SHPRH: variants seen among roughly 807,000 people sequenced by gnomAD.
SHPRH encodes E3 ubiquitin-protein ligase SHPRH.
In SHPRH, 106 loss-of-function variants were observed where a neutral mutation model predicts 202.5. The observed-to-expected ratio is 0.52, with a 90% CI of 0.45 to 0.62. The LOEUF (loss-of-function observed/expected upper bound fraction) is 0.62. SHPRH is among the 20% of genes least tolerant of loss of function. SHPRH has a pLI of 0.00. For missense variants in SHPRH, 1,710 were observed against 2,020.0 expected, an observed-to-expected ratio of 0.85 and a Z score of 2.94; for synonymous variants, 729 against 686.0, an observed-to-expected ratio of 1.06 and a Z score of -0.98.
At chr6:145,901,102 AT>A (rs1444665688) in intron 25 of SHPRH, among the ~76,000 whole-genome samples, 12 of 152,276 alleles carry the variant, frequency 7.9e-5, no homozygotes, top group Admixed American at 7.2e-4. Context: ...TATATACAAT[AT>A]TTCATTTGAC....
At chr6:145,919,161 T>C (rs1402031013) in intron 22 of SHPRH, 187 bp downstream of exon 22, 1 of 675,526 alleles carries the variant, frequency 1.5e-6, no homozygotes, top group Non-Finnish European at 2.4e-6. Context: ...ATGTAATAGA[T>C]ATGAAATTGC....
intron 24 of SHPRH, 55 bp downstream of exon 24, chr6:145,913,423 C>T: frequency 6.7e-7 from 1 of 1,491,276 alleles, no homozygotes; most frequent in Non-Finnish European, 9.2e-7. Context: ...ATGTAGAAAC[C>T]TTTGAAAACT....
Position 145,893,446 on chromosome 6 carries a change from AGTAT to A in SHPRH, c.4696-57_4696-54del, listed in dbSNP as rs200830360. 1.7e-3 allele frequency: 2,459 copies of A among 1,456,030 alleles called. 32 individuals carry two copies. The African/African-American group carries it at 0.03, about 18-fold the overall frequency. 90.2% of individuals were successfully genotyped at this position (1,456,030 alleles called of 1,614,324 possible). On this transcript the variant is annotated intron_variant, in intron 27 of 29. Transcript: ENST00000275233. Reference sequence around the variant, plus strand: ...TAGCTCGATCAGTTAAAATAAGAGCAGTATGTAATAGCTCACTTTAAAGATGTCT... The same window carrying A: ...TAGCTCGATCAGTTAAAATAAGAGCAGTAATAGCTCACTTTAAAGATGTCT...
chr6:145,927,579 T>C (rs540359696), intron 14 of SHPRH, among the ~76,000 whole-genome samples: 1 of 151,936 alleles, frequency 6.6e-6, no homozygotes, highest in South Asian at 2.1e-4. Flanking sequence ...TGCTATTGGA[T>C]AAACTTTTAA....
intron 2 of SHPRH, among the ~76,000 whole-genome samples, chr6:145,866,919 G>C (rs1779804564): frequency 1.3e-5 from 2 of 148,168 alleles, no homozygotes; most frequent in Admixed American, 1.3e-4. Context: ...TAGACAGAGA[G>C]GGGACAGGGG....
chr6:145,928,408 G>A (rs971721816), intron 14 of SHPRH, among the ~76,000 whole-genome samples: 1 of 140,460 alleles, frequency 7.1e-6, no homozygotes, highest in African/African-American at 3.2e-5. Context: ...GGTACAAGAT[G>A]TTCTAGCTTT....
chr6:145,900,824 G>A (rs1782441623), intron 25 of SHPRH, among the ~76,000 whole-genome samples: 2 of 152,062 alleles, frequency 1.3e-5, no homozygotes, highest in Non-Finnish European at 2.9e-5. Flanking sequence ...AAAAATTTGT[G>A]TTTTTTAAAT....
intron 2 of SHPRH, among the ~76,000 whole-genome samples, chr6:145,866,899 T>G (rs1779803591): frequency 6.6e-6 from 1 of 151,334 alleles, no homozygotes; most frequent in Middle Eastern, 3.4e-3. Flanking sequence ...TGCTGATTGA[T>G]GGGGGAAGGT....
chr6:145,863,079 T>C (rs1175107185), downstream of SHPRH, among the ~76,000 whole-genome samples: 1 of 152,234 alleles, frequency 6.6e-6, no homozygotes, highest in East Asian at 1.9e-4. Context: ...CAATTATGTA[T>C]GAGACCCTGT....
chr6:145,897,472 A>C (rs1157460673), intron 25 of SHPRH, among the ~76,000 whole-genome samples: 1 of 152,150 alleles, frequency 6.6e-6, no homozygotes, highest in Non-Finnish European at 1.5e-5. Flanking sequence ...AAGAAGAACT[A>C]ATACCAATCT....
intron 6 of SHPRH, among the ~76,000 whole-genome samples, chr6:145,946,572 G>C (rs1787397331): frequency 6.6e-6 from 1 of 151,788 alleles, no homozygotes; most frequent in Non-Finnish European, 1.5e-5. Context: ...GTTATGTGTG[G>C]AACCTCTGAA....
chr6:145,910,675 A>G, intron 24 of SHPRH, 39 bp from the exon 25 acceptor site: 1 of 1,475,554 alleles, frequency 6.8e-7, no homozygotes, highest in Non-Finnish European at 9.1e-7. Context: ...GCTATCAAAG[A>G]TGCCTTACAA....
chr6:145,939,042 A>T, intron 11 of SHPRH, among the ~76,000 whole-genome samples: 1 of 152,198 alleles, frequency 6.6e-6, no homozygotes, highest in East Asian at 1.9e-4. Context: ...TCTGGCCCCA[A>T]ATGTCAATAT....
At chr6:145,904,088 G>C (rs138997183) in intron 25 of SHPRH, 1 of 151,956 alleles carries the variant, frequency 6.6e-6, no homozygotes, top group Non-Finnish European at 1.5e-5. Flanking sequence ...TTATTTCCAA[G>C]AAATACTACT....
downstream of SHPRH, among the ~76,000 whole-genome samples, chr6:145,882,555 T>C (rs1780656903): frequency 6.6e-6 from 1 of 152,126 alleles, no homozygotes; most frequent in Non-Finnish European, 1.5e-5. Flanking sequence ...AAAACACAGA[T>C]TTGCATTTAC....
chr6:145,921,146 G>A, intron 21 of SHPRH, 21 bp downstream of exon 21: 3 of 1,575,634 alleles, frequency 1.9e-6, no homozygotes, highest in Non-Finnish European at 8.6e-7. Flanking sequence ...AATTTTGGAA[G>A]GAAGTTTTAA....
chr6:145,950,523 T>C, intron 3 of SHPRH, 41 bp from the exon 4 acceptor site: 1 of 1,576,704 alleles, frequency 6.3e-7, no homozygotes. Context: ...ACTGATAGGT[T>C]TTTTCTAACT....
chr6:145,959,653 C>T (rs747561083), intron 1 of SHPRH, among the ~76,000 whole-genome samples: 1 of 152,206 alleles, frequency 6.6e-6, no homozygotes, highest in African/African-American at 2.4e-5. Context: ...TGCTCAGTAG[C>T]GCTATGTGAC....
downstream of SHPRH, among the ~76,000 whole-genome samples, chr6:145,861,996 G>C (rs1779594897): frequency 1.3e-5 from 2 of 152,140 alleles, no homozygotes; most frequent in Admixed American, 1.3e-4. Flanking sequence ...GCAGTTGTCA[G>C]GGACCAGGGG....
Sources: gnomAD v4.1 joint callset for allele counts (sites outside exome capture counted in the v4.1 genomes callset) on GRCh38, gnomAD v4.1.1 for gene constraint, MANE v1.5 for transcripts, NCBI Gene and HGNC (gene_info 2026-07-23, HGNC 2026-07-21) for gene names.